RECK: variants seen among roughly 807,000 people sequenced by gnomAD.
RECK encodes the protein reversion-inducing cysteine-rich protein with Kazal motifs.
RECK carries 69 observed loss-of-function variants against 115.1 expected under a neutral mutation model. The ratio of observed to expected loss-of-function variants is 0.60; its 90% confidence interval spans 0.49 to 0.73. The LOEUF is 0.73. RECK is among the 30% of genes least tolerant of loss of function. The pLI, the probability that RECK is intolerant of heterozygous loss-of-function variation, is 0.00. For synonymous variants in RECK, 414 were observed against 419.7 expected, an observed-to-expected ratio of 0.99 and a Z score of 0.17; for missense variants, 1,047 against 1,203.7, an observed-to-expected ratio of 0.87 and a Z score of 1.93.
chr9:36,114,840 A>C (rs1450476872), intron 16 of RECK, among the ~76,000 whole-genome samples: 1 of 150,074 alleles, frequency 6.7e-6, no homozygotes. Context: ...ACAAGACTCC[A>C]TCTAAAAACA....
intron 6 of RECK, among the ~76,000 whole-genome samples, chr9:36,068,268 A>G (rs528914874): frequency 6.6e-6 from 1 of 152,366 alleles, no homozygotes; most frequent in South Asian, 2.1e-4. Context: ...AATAGAGTCA[A>G]ATATTCAAGA....
chr9:36,111,153 G>GT (rs1409263607), intron 15 of RECK, among the ~76,000 whole-genome samples: 9 of 152,182 alleles, frequency 5.9e-5, no homozygotes, highest in African/African-American at 2.2e-4. Context: ...CAAGACCCCT[G>GT]TTTCCTATAG....
Position 36,063,834 on chromosome 9 carries a change from G to C in RECK, c.311G>C (p.Cys104Ser). The C allele has an allele frequency of 6.2e-7, 1 of 1,614,056 alleles. No homozygotes were observed. Among genetic ancestry groups the C allele is most frequent in the Non-Finnish European group, 8.5e-7 (1 of 1,179,924 alleles). ...KKSDGWVGLG[C>S]CELAIALECR... is the part of the protein sequence containing the mutation. Reference sequence around the variant, plus strand: ...TCTGATGGCTGGGTTGGCTTAGGCTGCTGTGAACTGGCTATTGCCTTGGAG... The same window carrying C: ...TCTGATGGCTGGGTTGGCTTAGGCTCCTGTGAACTGGCTATTGCCTTGGAG... Residue 104 changes from cysteine to serine, a missense_variant, in exon 5 of 21, where the codon TGC (cysteine) becomes TCC (serine). Transcript: ENST00000377966.
At chr9:36,038,266 ACTGCC>A (rs1441424012) in intron 1 of RECK, among the ~76,000 whole-genome samples, 1 of 152,158 alleles carries the variant, frequency 6.6e-6, no homozygotes, top group African/African-American at 2.4e-5. Context: ...GTGATATGCC[ACTGCC>A]CTCGGAAGTG....
At chr9:36,063,307 C>A (rs760826599) in intron 4 of RECK, among the ~76,000 whole-genome samples, 43 of 152,120 alleles carry the variant, frequency 2.8e-4, no homozygotes, top group Admixed American at 6.6e-4. Flanking sequence ...AAAATTGCCC[C>A]TATTTACTAA....
intron 16 of RECK, among the ~76,000 whole-genome samples, chr9:36,116,329 T>C (rs1391412166): frequency 6.6e-6 from 1 of 152,102 alleles, no homozygotes; most frequent in Non-Finnish European, 1.5e-5. Context: ...GGTTTCTCCA[T>C]GTTGGTCAGG....
chr9:36,102,578 G>T (rs1475023050), intron 12 of RECK, among the ~76,000 whole-genome samples: 1 of 152,094 alleles, frequency 6.6e-6, no homozygotes. Context: ...TACCCCCAGA[G>T]ACTATCAGCC....
chr9:36,037,983 G>C (rs963793127), intron 1 of RECK, among the ~76,000 whole-genome samples: 6 of 142,876 alleles, frequency 4.2e-5, no homozygotes, highest in Non-Finnish European at 9.0e-5. Flanking sequence ...TGCTTACAGG[G>C]AGACAGGCAG....
chr9:36,075,608 T>A (rs1443234441), intron 6 of RECK, among the ~76,000 whole-genome samples: 1 of 152,182 alleles, frequency 6.6e-6, no homozygotes, highest in Non-Finnish European at 1.5e-5. Flanking sequence ...TAAAAACATT[T>A]ATGTTTTTAA....
intron 13 of RECK, among the ~76,000 whole-genome samples, chr9:36,106,653 G>C (rs1270476483): frequency 6.6e-6 from 1 of 152,008 alleles, no homozygotes; most frequent in Non-Finnish European, 1.5e-5. Context: ...TCATAATCTT[G>C]TCAAAATTGG....
intron 3 of RECK, among the ~76,000 whole-genome samples, 177 bp downstream of exon 3, chr9:36,059,078 G>T (rs964771535): frequency 3.9e-5 from 6 of 152,012 alleles, no homozygotes; most frequent in Admixed American, 3.9e-4. Context: ...ATAGAATATT[G>T]TTTTTCTTCT....
intron 7 of RECK, among the ~76,000 whole-genome samples, chr9:36,082,037 A>G (rs1383506900): frequency 6.6e-6 from 1 of 151,862 alleles, no homozygotes. Context: ...TATCATTATC[A>G]TTATTTCTGG....
At chr9:36,052,675 C>A (rs748008760) in intron 2 of RECK, among the ~76,000 whole-genome samples, 11 of 152,066 alleles carry the variant, frequency 7.2e-5, no homozygotes, top group Non-Finnish European at 1.6e-4. Context: ...AAGAAGTAGT[C>A]GGGCAAACCC....
At chr9:36,046,807 GA>G (rs1309970964) in intron 1 of RECK, among the ~76,000 whole-genome samples, 1 of 151,838 alleles carries the variant, frequency 6.6e-6, no homozygotes, top group African/African-American at 2.4e-5. Context: ...TTTTTTAAAT[GA>G]AAAAAAGAAT....
At chr9:36,054,418 T>C (rs1821436156) in intron 2 of RECK, among the ~76,000 whole-genome samples, 1 of 150,590 alleles carries the variant, frequency 6.6e-6, no homozygotes, top group Non-Finnish European at 1.5e-5. Context: ...ATATGTGTGA[T>C]GGTTTACAGT....
In RECK at chr9:36,094,539, CAGAA is replaced by C. The variant is rs1823268859; in HGVS notation, c.1085+3202_1085+3205del. Among the ~76,000 whole-genome samples, 1 of 151,832 alleles carries C rather than the reference CAGAA, an allele frequency of 6.6e-6. No homozygotes were observed. Among genetic ancestry groups the C allele is most frequent in the South Asian group, 2.1e-4 (1 of 4,812 alleles). On this transcript the variant is annotated intron_variant, in intron 10 of 20. Transcript: ENST00000377966. The surrounding 1 kb of genome is among the most constrained non-coding windows in gnomAD (Gnocchi z 4.1). Reference sequence around the variant, plus strand: ...AATACTTGATCCATCCAAAAGAAGACAGAAAGAAAAAGGAGACAAATTGAAAACC... The same window carrying C: ...AATACTTGATCCATCCAAAAGAAGACAGAAAAAGGAGACAAATTGAAAACC...
chr9:36,044,294 A>G (rs563618917), intron 1 of RECK, among the ~76,000 whole-genome samples: 61 of 151,882 alleles, frequency 4.0e-4, no homozygotes, highest in African/African-American at 1.4e-3. Flanking sequence ...CTGTTGGTGT[A>G]TAGCAGTGCT....
intron 15 of RECK, among the ~76,000 whole-genome samples, chr9:36,110,760 G>A (rs1259948240): frequency 6.0e-5 from 9 of 148,964 alleles, no homozygotes; most frequent in Non-Finnish European, 1.3e-4. Flanking sequence ...GTGGCAACTT[G>A]ATTCTTCTTT....
intron 10 of RECK, among the ~76,000 whole-genome samples, chr9:36,098,535 A>G (rs1055481509): frequency 6.6e-6 from 1 of 152,230 alleles, no homozygotes; most frequent in African/African-American, 2.4e-5. Flanking sequence ...AGTAGAAGAT[A>G]GTTTGAGGAT....
Sources: allele counts gnomAD v4.1 joint callset (sites outside exome capture counted in the v4.1 genomes callset), GRCh38; gene constraint gnomAD v4.1.1; non-coding constraint Gnocchi (gnomAD v3.1); transcripts MANE v1.5; gene names NCBI Gene and HGNC (gene_info 2026-07-23, HGNC 2026-07-21).